HACD1: variants seen among roughly 807,000 people sequenced by gnomAD.
HACD1 encodes the protein 3-hydroxyacyl-CoA dehydratase 1, also known as very-long-chain (3R)-3-hydroxyacyl-CoA dehydratase 1.
In HACD1, 41 loss-of-function variants were observed where a neutral mutation model predicts 32.0. The observed-to-expected ratio is 1.28, with a 90% CI of 1.00 to 1.66. The LOEUF is 1.66. Among genes scored for constraint, HACD1 ranks in the 40% most tolerant of loss-of-function variants. HACD1 has a pLI of 0.00. For synonymous variants in HACD1, 142 were observed against 139.0 expected, an observed-to-expected ratio of 1.02 and a Z score of -0.15; for missense variants, 396 against 380.1, an observed-to-expected ratio of 1.04 and a Z score of -0.35.
intron 1 of HACD1, among the ~76,000 whole-genome samples, chr10:17,611,274 G>C (rs1834231688): frequency 1.3e-5 from 2 of 152,184 alleles, no homozygotes; most frequent in South Asian, 2.1e-4. Flanking sequence ...TGGGATTACA[G>C]GCATGAGCCA....
intron 1 of HACD1, among the ~76,000 whole-genome samples, chr10:17,611,148 A>C (rs1554817456): frequency 6.6e-6 from 1 of 151,764 alleles, no homozygotes; most frequent in African/African-American, 2.4e-5. Flanking sequence ...CTACAGGTGC[A>C]CGCCACCACA....
intron 1 of HACD1, among the ~76,000 whole-genome samples, chr10:17,608,285 C>G (rs1834177124): frequency 6.6e-6 from 1 of 152,124 alleles, no homozygotes; most frequent in Non-Finnish European, 1.5e-5. Flanking sequence ...GCCTCAGTCT[C>G]CCAAAGTAAT....
At position 17,590,452 on chromosome 10, in the gene HACD1, T is replaced by A; in HGVS notation, c.785-6A>T. On this transcript the variant is annotated splice_polypyrimidine_tract_variant and splice_region_variant and intron_variant, in intron 6 of 6. Transcript: ENST00000361271. ...AAAATAGAGTTGTGGAAACACTTCATTGAAAAAGAAAACAAAGAAAAACAA... is the reference window on the plus strand; with the variant it reads ...AAAATAGAGTTGTGGAAACACTTCAATGAAAAAGAAAACAAAGAAAAACAA... 6.4e-7 allele frequency: 1 copy of A among 1,568,724 alleles called. No individual in the cohort carries two copies. Among genetic ancestry groups the A allele is most frequent in the Non-Finnish European group, 8.7e-7 (1 of 1,151,538 alleles).
chr10:17,609,354 C>T lies in HACD1; in HGVS notation c.258-5307G>A, dbSNP rs368930228. Among the ~76,000 whole-genome samples the T allele has an allele frequency of 9.2e-5, 14 of 152,042 alleles. No individual in the cohort carries two copies. In the East Asian group the frequency reaches 2.5e-3, roughly 27 times the overall value. On this transcript the variant is annotated intron_variant, in intron 1 of 6. Transcript: ENST00000361271. The stretch of plus-strand genomic sequence containing the variant: ...ATTTTTAATAGAAATGGGGTTTCAC[C>T]GTGTTAGCCAGAATGGTCTCGATCT...
At chr10:17,614,591 T>C (rs1164298382) in intron 1 of HACD1, among the ~76,000 whole-genome samples, 1 of 151,834 alleles carries the variant, frequency 6.6e-6, no homozygotes, top group Non-Finnish European at 1.5e-5. Flanking sequence ...GGTGTGCGCC[T>C]GTAGTCCCAG....
intron 1 of HACD1, among the ~76,000 whole-genome samples, chr10:17,608,703 T>A (rs926531417): frequency 3.3e-5 from 5 of 152,130 alleles, no homozygotes; most frequent in Admixed American, 2.0e-4. Context: ...GCCAGGCTGG[T>A]CTCGAACTCC....
chr10:17,607,703 C>T (rs1834167709), intron 1 of HACD1, among the ~76,000 whole-genome samples: 1 of 152,072 alleles, frequency 6.6e-6, no homozygotes, highest in Non-Finnish European at 1.5e-5. Flanking sequence ...AGTATTGTAC[C>T]ACCTAGCATA....
At chr10:17,594,921 C>A (rs1833976690) in intron 5 of HACD1, among the ~76,000 whole-genome samples, 1 of 151,254 alleles carries the variant, frequency 6.6e-6, no homozygotes, top group Non-Finnish European at 1.5e-5. Context: ...TGCAGTGGCA[C>A]AATCTTGGGT....
rs989090490 is a variant in HACD1 at position 17,598,308 on chromosome 10, C to T, written c.605+982G>A. Among the ~76,000 whole-genome samples, 17 of 138,802 alleles carry T rather than the reference C, an allele frequency of 1.2e-4. No homozygotes were observed. The South Asian group carries it at 1.4e-3, about 12-fold the overall frequency. 91.1% of individuals were successfully genotyped at this position (138,802 alleles called of 152,430 possible). A position where few individuals can be genotyped will look rare whatever the true frequency, so the allele number is the denominator to read the frequency against. On this transcript the variant is annotated intron_variant, in intron 5 of 6. Transcript: ENST00000361271. Reference sequence around the variant, plus strand: ...AAAAAAACCCATAAAACACAATTAACAGTGGTTATCCTTGGTTAGAGAGAT... The same window carrying T: ...AAAAAAACCCATAAAACACAATTAATAGTGGTTATCCTTGGTTAGAGAGAT...
At chr10:17,598,058 G>A (rs1834018074) in intron 5 of HACD1, among the ~76,000 whole-genome samples, 2 of 151,640 alleles carry the variant, frequency 1.3e-5, no homozygotes, top group Admixed American at 6.6e-5. Flanking sequence ...TCAGGTGTTC[G>A]AGACCAGCCT....
chr10:17,613,949 G>C (rs1447274136), intron 1 of HACD1, among the ~76,000 whole-genome samples: 1 of 152,170 alleles, frequency 6.6e-6, no homozygotes, highest in Non-Finnish European at 1.5e-5. Flanking sequence ...AAGGGGAATC[G>C]GGAGCAGATT....
intron 1 of HACD1, among the ~76,000 whole-genome samples, chr10:17,609,215 C>T (rs1301546031): frequency 2.1e-5 from 3 of 145,430 alleles, no homozygotes; most frequent in Admixed American, 1.4e-4. Context: ...AGTGCAGTGG[C>T]GCGATCTCGG....
chr10:17,609,591 C>T (rs902394777), intron 1 of HACD1, among the ~76,000 whole-genome samples: 17 of 152,030 alleles, frequency 1.1e-4, no homozygotes, highest in African/African-American at 3.6e-4. Flanking sequence ...ATGTACTTCT[C>T]GGAATGTCTA....
At position 17,590,208 on chromosome 10, in the gene HACD1, G is replaced by A; in HGVS notation, c.*156C>T. The A allele has an allele frequency of 2.1e-6, 1 of 485,468 alleles. No individual in the cohort carries two copies. 30.1% of individuals were successfully genotyped at this position (485,468 alleles called of 1,614,324 possible). ...GTAAAAAATAGATCTGGCACAAGAG[G>A]AACACAAATACTGGCAAATACCACG... On this transcript the variant is annotated 3_prime_UTR_variant, in exon 7 of 7. Transcript: ENST00000361271.
intron 6 of HACD1, among the ~76,000 whole-genome samples, chr10:17,593,698 C>G (rs184157125): frequency 2.6e-5 from 4 of 152,312 alleles, no homozygotes; most frequent in Admixed American, 2.0e-4. Flanking sequence ...AGTGAAGAGG[C>G]TGACTTATTC....
chr10:17,614,237 T>C (rs1041721018), intron 1 of HACD1, among the ~76,000 whole-genome samples: 3 of 152,266 alleles, frequency 2.0e-5, no homozygotes, highest in Admixed American at 2.0e-4. Flanking sequence ...GAGAACATCC[T>C]GGGCAATATA....
At chr10:17,598,175 G>A (rs1222350994) in intron 5 of HACD1, among the ~76,000 whole-genome samples, 2 of 147,442 alleles carry the variant, frequency 1.4e-5, no homozygotes, top group African/African-American at 2.5e-5. Context: ...CAGGAGAATC[G>A]CTTGAGCCCA....
intron 1 of HACD1, among the ~76,000 whole-genome samples, chr10:17,604,746 C>A (rs1344293072): frequency 1.3e-5 from 2 of 152,160 alleles, no homozygotes; most frequent in Non-Finnish European, 2.9e-5. Context: ...CGCTCTGTCA[C>A]CCTGGCTGAA....
At chr10:17,593,939 T>A (rs1833961190) in intron 6 of HACD1, among the ~76,000 whole-genome samples, 1 of 152,182 alleles carries the variant, frequency 6.6e-6, no homozygotes, top group South Asian at 2.1e-4. Flanking sequence ...TTTAAAAAAA[T>A]CATACTAAGC....
Sources: gnomAD v4.1 joint callset for allele counts (sites outside exome capture counted in the v4.1 genomes callset) on GRCh38, gnomAD v4.1.1 for gene constraint, MANE v1.5 for transcripts, NCBI Gene and HGNC (gene_info 2026-07-23, HGNC 2026-07-21) for gene names.